The following MAP3K6 variants were observed in gnomAD, a reference collection of about 807,000 sequenced individuals.
MAP3K6 encodes apoptosis signal-regulating kinase 2.
MAP3K6 carries 105 observed loss-of-function variants against 147.1 expected under a neutral mutation model. The ratio of observed to expected loss-of-function variants is 0.71; its 90% CI spans 0.61 to 0.84. The LOEUF is 0.84. Among genes scored for constraint, MAP3K6 ranks in the 40% least tolerant of loss-of-function variants. The pLI is 0.00. For synonymous variants in MAP3K6, 695 were observed against 732.4 expected, an observed-to-expected ratio of 0.95 and a Z score of 0.82; for missense variants, 1,569 against 1,715.0, an observed-to-expected ratio of 0.91 and a Z score of 1.50.
rs202086429 is a variant in MAP3K6 at position 27,355,193 on chromosome 1, G to A, written c.*198C>T. The A allele has an allele frequency of 6.1e-5, 40 of 655,506 alleles. No homozygotes were observed. The East Asian group carries it at 1.1e-3, about 18-fold the overall frequency. 40.6% of individuals were successfully genotyped at this position (655,506 alleles called of 1,614,324 possible). ...ATTGCCAGGACAAAGGTTCAAAAGTGTTCTGTTTAATACGCTTTGTCTGGT... is the reference window on the plus strand; with the variant it reads ...ATTGCCAGGACAAAGGTTCAAAAGTATTCTGTTTAATACGCTTTGTCTGGT... On this transcript the variant is annotated 3_prime_UTR_variant, in exon 29 of 29. Transcript: ENST00000357582.
In MAP3K6 at chr1:27,358,679, T is replaced by A. The variant is rs1028128038; in HGVS notation, c.2583+30A>T. 6.2e-7 allele frequency: 1 copy of A among 1,613,470 alleles called. No individual in the cohort carries two copies. Among genetic ancestry groups the A allele is most frequent in the African/African-American group, 1.3e-5 (1 of 74,892 alleles). Reference sequence around the variant, plus strand: ...AAGGCCCAGGCTGGCCCTATGCCACTTCCATGGGCCAGGCCCAAAGAGGTC... The same window carrying A: ...AAGGCCCAGGCTGGCCCTATGCCACATCCATGGGCCAGGCCCAAAGAGGTC... On this transcript the variant is annotated intron_variant, in intron 19 of 28. Transcript: ENST00000357582. The surrounding 1 kb of genome is among the most constrained non-coding windows in gnomAD (Gnocchi z 6.2).
chr1:27,357,283 C>A (rs1227762409), intron 23 of MAP3K6, 117 bp downstream of exon 23: 6 of 1,421,994 alleles, frequency 4.2e-6, no homozygotes, highest in East Asian at 2.3e-5. Context: ...TTGCTGCAGG[C>A]CTGATCTTCA....
chr1:27,365,183 G>A (rs184515221), intron 1 of MAP3K6, among the ~76,000 whole-genome samples: 8 of 152,342 alleles, frequency 5.3e-5, no homozygotes, highest in African/African-American at 1.7e-4. Context: ...AAGGGAGGCT[G>A]TGGACCAGTT....
intron 24 of MAP3K6, 70 bp from the exon 25 acceptor site, chr1:27,356,819 G>T: frequency 6.6e-7 from 1 of 1,506,112 alleles, no homozygotes; most frequent in Non-Finnish European, 8.9e-7. Context: ...CCCAAAGTGC[G>T]GGGGTAGGGT....
rs1030391707 is a variant in MAP3K6, at chr1:27,366,440, C to T, written c.158G>A (p.Arg53Gln). Residue 53 changes from arginine (R) to glutamine (Q), a missense_variant, in exon 1 of 29, where the codon CGG becomes CAG. Transcript: ENST00000357582. This position sits in a 1 kb window ranked among gnomAD's most constrained non-coding sequence, Gnocchi z 5.5. ...AGGCTCGAGCCCGGGCTGCGGCTCC[C>T]GGGTCAGCACGTAGACCACGCTGAG... The part of the protein sequence containing the change: ...RPLSVVYVLT[R>Q]EPQPGLEPRE... 8.5e-7 allele frequency: 1 copy of T among 1,183,174 alleles called. No homozygotes were observed. The highest frequency in any genetic ancestry group is 1.0e-6 in the Non-Finnish European group (1 of 958,230). 73.3% of individuals were successfully genotyped at this position (1,183,174 alleles called of 1,614,324 possible).
Position 27,358,871 on chromosome 1 carries a change from G to A in MAP3K6, c.2426-5C>T, listed in dbSNP as rs1425907229. The A allele has an allele frequency of 6.4e-7, 1 of 1,556,044 alleles. No individual in the cohort carries two copies. Among genetic ancestry groups the A allele is most frequent in the Non-Finnish European group, 8.7e-7 (1 of 1,151,108 alleles). On this transcript the variant is annotated splice_region_variant and splice_polypyrimidine_tract_variant and intron_variant, in intron 18 of 28. Coordinates refer to ENST00000357582, the MANE Select transcript of MAP3K6 (RefSeq NM_004672.5). The surrounding 1 kb of genome is among the most constrained non-coding windows in gnomAD (Gnocchi z 6.2). ...GGGCCATATACTGCAGAGTTCCTAGGACAGAAACAGGAGCACCAATGCCCA... is the reference window on the plus strand; with the variant it reads ...GGGCCATATACTGCAGAGTTCCTAGAACAGAAACAGGAGCACCAATGCCCA...
intron 1 of MAP3K6, among the ~76,000 whole-genome samples, chr1:27,365,308 C>T (rs1022634682): frequency 6.6e-6 from 1 of 152,226 alleles, no homozygotes; most frequent in Non-Finnish European, 1.5e-5. Context: ...ATAGACAACG[C>T]TGTGCCTAAA....
At position 27,360,848 on chromosome 1, in the gene MAP3K6, G is replaced by A; in HGVS notation, c.1921-10C>T. 6.2e-7 allele frequency: 1 copy of A among 1,612,460 alleles called. No individual in the cohort carries two copies. The highest frequency in any genetic ancestry group is 1.3e-5 in the African/African-American group (1 of 75,056). On this transcript the variant is annotated splice_polypyrimidine_tract_variant and intron_variant, in intron 14 of 28. Transcript: ENST00000357582. The surrounding 1 kb of genome is among the most constrained non-coding windows in gnomAD (Gnocchi z 4.5). Reference sequence around the variant, plus strand: ...TGTACTCATAATCAAACTGCCGGGCGCGGGGTGAGATGGGAGTTCAGCAGG... The same window carrying A: ...TGTACTCATAATCAAACTGCCGGGCACGGGGTGAGATGGGAGTTCAGCAGG...
chr1:27,358,002 C>T lies in MAP3K6; in HGVS notation c.2916-126G>A, dbSNP rs574386935. On this transcript the variant is annotated intron_variant, in intron 21 of 28. Transcript: ENST00000357582. This position sits in a 1 kb window ranked among gnomAD's most constrained non-coding sequence, Gnocchi z 6.2. ...TCACAGGCATGAACATAGATAAACCCCGCACTGAGAGGACACAACAAGTCC... is the reference window on the plus strand; with the variant it reads ...TCACAGGCATGAACATAGATAAACCTCGCACTGAGAGGACACAACAAGTCC... 5 of 1,470,148 alleles carry T rather than the reference C, an allele frequency of 3.4e-6. No homozygotes were observed. In the Admixed American group the frequency reaches 1.1e-4, roughly 31 times the overall value. 91.1% of individuals were successfully genotyped at this position (1,470,148 alleles called of 1,614,324 possible). A position where few individuals can be genotyped will look rare whatever the true frequency, so the allele number is the denominator to read the frequency against.
Position 27,364,373 on chromosome 1 carries a change from G to A in MAP3K6, c.526C>T (p.Leu176=), listed in dbSNP as rs1264790416. The A allele has an allele frequency of 1.2e-6, 2 of 1,614,120 alleles. No homozygotes were observed. The highest frequency in any genetic ancestry group is 2.2e-5 in the East Asian group (1 of 44,882). Residue 176 remains leucine (L), a synonymous_variant, in exon 4 of 29, where the codon CTG becomes TTG. Coordinates refer to ENST00000357582, the MANE Select transcript of MAP3K6 (RefSeq NM_004672.5). This position sits in a 1 kb window ranked among gnomAD's most constrained non-coding sequence, Gnocchi z 4.4. ...KNSDCVGSYT[L]IPYVVTATGR... The stretch of plus-strand genomic sequence containing the variant: ...GTGGCCGTCACCACATAGGGGATCA[G>A]TGTGTAGCTGCCAACGCAATCCTGG...
rs2015656780 is a variant in MAP3K6 at position 27,359,341 on chromosome 1, C to A, written c.2425+76G>T. ...CTCTAACTCCATGCCTAGGAGAAACCCCCTTCCCTGGAAAGTTCCAAGAGA... is the reference window on the plus strand; with the variant it reads ...CTCTAACTCCATGCCTAGGAGAAACACCCTTCCCTGGAAAGTTCCAAGAGA... On this transcript the variant is annotated intron_variant, in intron 18 of 28. Coordinates refer to ENST00000357582, the MANE Select transcript of MAP3K6 (RefSeq NM_004672.5). The surrounding 1 kb of genome is among the most constrained non-coding windows in gnomAD (Gnocchi z 4.4). 6.2e-7 allele frequency: 1 copy of A among 1,605,692 alleles called. No individual in the cohort carries two copies. Among genetic ancestry groups the A allele is most frequent in the Non-Finnish European group, 8.5e-7 (1 of 1,174,066 alleles).
chr1:27,364,083 C>G lies in MAP3K6; in HGVS notation c.698G>C (p.Gly233Ala). ...CCGCCGAATGGTCTCCCGGAAATAG[C>G]CACTGATGCCCAGGGTAGGGGAGGC... ...LLEATPTDSC[G>A]YFRETIRRDI... The change falls in exon 5 of 29, where the codon GGC becomes GCC. Residue 233 changes from glycine to alanine, a missense_variant and splice_region_variant. Gly to Ala is a moderately conservative substitution (Grantham distance 60). Transcript: ENST00000357582. The surrounding 1 kb of genome is among the most constrained non-coding windows in gnomAD (Gnocchi z 4.4). 2 of 1,611,448 alleles carry G rather than the reference C, an allele frequency of 1.2e-6. No homozygotes were observed. The highest frequency in any genetic ancestry group is 2.2e-5 in the South Asian group (2 of 90,884).
chr1:27,357,803 C>T lies in MAP3K6; in HGVS notation c.2989G>A (p.Glu997Lys). 6.2e-7 allele frequency: 1 copy of T among 1,607,298 alleles called. No individual in the cohort carries two copies. Among genetic ancestry groups the T allele is most frequent in the Non-Finnish European group, 8.5e-7 (1 of 1,178,194 alleles). Reference protein sequence around the residue: ...ESSGLSLLHQESKRRAMLAAV... With the variant: ...ESSGLSLLHQKSKRRAMLAAV... ...GCCAGCATGGCCCGACGCTTGCTCT[C>T]CTGGTGCAGCAGGCTCAGCCCCGAA... The change falls in exon 22 of 29, where the codon GAG (glutamate) becomes AAG (lysine). Residue 997 changes from glutamate to lysine, a missense_variant. Transcript: ENST00000357582.
intron 1 of MAP3K6, among the ~76,000 whole-genome samples, chr1:27,365,914 C>T (rs2015960603): frequency 6.6e-6 from 1 of 151,924 alleles, no homozygotes; most frequent in African/African-American, 2.4e-5. Flanking sequence ...CCTGAGACAC[C>T]ACAGCCCCGC....
rs774833684 is a variant in MAP3K6 at position 27,360,859 on chromosome 1, T to C, written c.1921-21A>G. 1 of 1,612,254 alleles carries C rather than the reference T, an allele frequency of 6.2e-7. No individual in the cohort carries two copies. The highest frequency in any genetic ancestry group is 8.5e-7 in the Non-Finnish European group (1 of 1,179,648). On this transcript the variant is annotated intron_variant, in intron 14 of 28. Transcript: ENST00000357582. This position sits in a 1 kb window ranked among gnomAD's most constrained non-coding sequence, Gnocchi z 4.5. ...TCAAACTGCCGGGCGCGGGGTGAGA[T>C]GGGAGTTCAGCAGGGCCCGCGGCCC...
chr1:27,364,125 G>A lies in MAP3K6; in HGVS notation c.696-40C>T. On this transcript the variant is annotated intron_variant, in intron 4 of 28. Coordinates refer to ENST00000357582, the MANE Select transcript of MAP3K6 (RefSeq NM_004672.5). This position sits in a 1 kb window ranked among gnomAD's most constrained non-coding sequence, Gnocchi z 4.4. ...AGGGGAGGCAGGGAGAGAGAATGGT[G>A]GGGCCTGTACCTCAGCCCCAGCCCA... The A allele has an allele frequency of 1.2e-6, 2 of 1,603,858 alleles. No individual in the cohort carries two copies. The highest frequency in any genetic ancestry group is 1.7e-5 in the Admixed American group (1 of 59,700).
chr1:27,362,163 T>G lies in MAP3K6; in HGVS notation c.1343A>C (p.Gln448Pro), dbSNP rs780753310. The G allele has an allele frequency of 2.5e-5, 41 of 1,613,694 alleles. No individual in the cohort carries two copies. Among genetic ancestry groups the G allele is most frequent in the Non-Finnish European group, 3.2e-5 (38 of 1,179,982 alleles). The change falls in exon 9 of 29, where the codon CAG becomes CCG. Residue 448 changes from glutamine to proline, a missense_variant. Transcript: ENST00000357582. ...CTGGGTGGGGTCATTGGCGAGGATC[T>G]GGGCTCCCAGGTAGAAACCCACATC... ...YWDVGFYLGA[Q>P]ILANDPTQVV...
rs372285117 is a variant in MAP3K6 at position 27,363,002 on chromosome 1, G to A, written c.991C>T (p.Arg331Trp). The change falls in exon 7 of 29, where the codon CGG becomes TGG. Residue 331 changes from arginine (R) to tryptophan (W), a missense_variant. Coordinates refer to ENST00000357582, the MANE Select transcript of MAP3K6 (RefSeq NM_004672.5). ...AGCAGCACAGACAGGGCCTTCGCCC[G>A]GTCCCCAGGCCTGTTCCTCCTAGGG... is the stretch of plus-strand genomic sequence containing the variant. ...ALNRRNRPGDRAKALSVLLPL... is the reference protein window; with the variant it reads ...ALNRRNRPGDWAKALSVLLPL... 36 of 1,613,710 alleles carry A rather than the reference G, an allele frequency of 2.2e-5. No individual in the cohort carries two copies. The highest frequency in any genetic ancestry group is 9.3e-5 in the African/African-American group (7 of 75,036).
intron 10 of MAP3K6, 35 bp downstream of exon 10, chr1:27,361,670 C>T (rs1168711065): frequency 1.9e-6 from 3 of 1,613,970 alleles, no homozygotes; most frequent in East Asian, 2.2e-5. Context: ...AGGGGCTTAC[C>T]CCTTTCCCGG....
Sources: allele counts gnomAD v4.1 joint callset (sites outside exome capture counted in the v4.1 genomes callset), GRCh38; gene constraint gnomAD v4.1.1; non-coding constraint Gnocchi (gnomAD v3.1); transcripts MANE v1.5; gene names NCBI Gene and HGNC (gene_info 2026-07-23, HGNC 2026-07-21).